ANO3: variants seen among roughly 807,000 people sequenced by gnomAD.
The protein encoded by ANO3 is anoctamin 3, also known as anoctamin-3.
In ANO3, 99 loss-of-function variants were observed where a neutral mutation model predicts 144.8. That is an observed-to-expected ratio of 0.68 (90% CI 0.58 to 0.81). The LOEUF (loss-of-function observed/expected upper bound fraction) is 0.81, where lower values mean the gene tolerates loss of function less well. ANO3 is among the 30% of genes least tolerant of loss of function. The probability of loss-of-function intolerance (pLI) is 0.00; values close to 1 mark genes in which losing one functional copy is unlikely to be tolerated. For synonymous variants in ANO3, 414 were observed against 392.6 expected, an observed-to-expected ratio of 1.05 and a Z score of -0.64; for missense variants, 905 against 1,202.2, an observed-to-expected ratio of 0.75 and a Z score of 3.66.
intron 18 of ANO3, among the ~76,000 whole-genome samples, chr11:26,628,409 T>G (rs748210696): frequency 2.3e-4 from 35 of 152,298 alleles, no homozygotes; most frequent in Middle Eastern, 6.8e-3. Flanking sequence ...TTTTCATCCG[T>G]AATTAGCTTC....
chr11:26,343,402 G>A (rs959972023), intron 1 of ANO3, among the ~76,000 whole-genome samples: 1 of 152,150 alleles, frequency 6.6e-6, no homozygotes, highest in African/African-American at 2.4e-5. Flanking sequence ...TCTTTTGAAT[G>A]TACGTGCAGA....
intron 1 of ANO3, among the ~76,000 whole-genome samples, chr11:26,292,448 C>G (rs1853982213): frequency 1.3e-5 from 2 of 152,134 alleles, no homozygotes; most frequent in Admixed American, 6.5e-5. Flanking sequence ...CAGCTGTGCT[C>G]AGTTGCTGGT....
intron 14 of ANO3, among the ~76,000 whole-genome samples, chr11:26,580,358 A>C (rs540961298): frequency 6.6e-6 from 1 of 152,300 alleles, no homozygotes; most frequent in Admixed American, 6.5e-5. Flanking sequence ...TTTCAGCTTC[A>C]TAATTCATCA....
intron 1 of ANO3, among the ~76,000 whole-genome samples, chr11:26,270,460 G>A (rs1247812646): frequency 2.0e-5 from 3 of 152,064 alleles, no homozygotes; most frequent in Non-Finnish European, 4.4e-5. Context: ...TTCACATTTT[G>A]CTTGTGTACA....
At chr11:26,291,275 A>C (rs758608638) in intron 1 of ANO3, among the ~76,000 whole-genome samples, 2 of 152,062 alleles carry the variant, frequency 1.3e-5, no homozygotes, top group Non-Finnish European at 2.9e-5. Flanking sequence ...GTCTTCCTCC[A>C]TCCCTTTATT....
At chr11:26,499,741 T>A (rs1437071605) in intron 4 of ANO3, among the ~76,000 whole-genome samples, 1 of 151,932 alleles carries the variant, frequency 6.6e-6, no homozygotes, top group African/African-American at 2.4e-5. Context: ...TTCTGTAAGA[T>A]ATAGTCTCAT....
chr11:26,603,308 T>C (rs906752981), intron 17 of ANO3, among the ~76,000 whole-genome samples: 1 of 152,084 alleles, frequency 6.6e-6, no homozygotes, highest in African/African-American at 2.4e-5. Flanking sequence ...ACATGTTGTC[T>C]AATATTTATC....
upstream of ANO3, among the ~76,000 whole-genome samples, chr11:26,331,013 G>T (rs963345047): frequency 6.6e-6 from 1 of 152,188 alleles, no homozygotes; most frequent in Non-Finnish European, 1.5e-5. Context: ...TTGAATCAGG[G>T]AGCAGAGATA....
Position 26,574,552 on chromosome 11 carries a change from A to G in ANO3, c.1447+14773A>G, listed in dbSNP as rs117107647. Among the ~76,000 whole-genome samples, 661 of 152,332 alleles carry G rather than the reference A, an allele frequency of 4.3e-3. 5 individuals carry two copies. Among genetic ancestry groups the G allele is most frequent in the Middle Eastern group, 0.01 (3 of 294 alleles). On this transcript the variant is annotated intron_variant, in intron 14 of 26. Transcript: ENST00000256737. ...AGCAAATAAGAAATATTTGAATAAT[A>G]GTAAAATAAATTACATTATGAATCT...
chr11:26,547,676 T>C (rs1849822738), intron 12 of ANO3, 126 bp downstream of exon 12: 1 of 998,106 alleles, frequency 1.0e-6, no homozygotes. Flanking sequence ...ATTTGCTATT[T>C]CTGTTTTTTG....
At chr11:26,535,502 C>A (rs3105881) in intron 9 of ANO3, among the ~76,000 whole-genome samples, 106,357 of 150,542 alleles carry the variant, frequency 0.71, 37,904 homozygotes, top group East Asian at 0.84. Flanking sequence ...AAAACTGGTA[C>A]CAATCTCTAC....
At chr11:26,386,640 T>A (rs756897406) in intron 1 of ANO3, among the ~76,000 whole-genome samples, 3 of 152,186 alleles carry the variant, frequency 2.0e-5, no homozygotes, top group Non-Finnish European at 2.9e-5. Context: ...GTAGTATTTG[T>A]GCCAAGAATG....
intron 18 of ANO3, among the ~76,000 whole-genome samples, chr11:26,627,643 C>G (rs938768274): frequency 2.0e-5 from 3 of 152,004 alleles, no homozygotes; most frequent in Admixed American, 2.0e-4. Flanking sequence ...GGAAACAGAA[C>G]AGTTATTTGT....
At chr11:26,216,929 T>C (rs1217020266) in intron 1 of ANO3, among the ~76,000 whole-genome samples, 1 of 152,070 alleles carries the variant, frequency 6.6e-6, no homozygotes, top group Non-Finnish European at 1.5e-5. Context: ...TTTCTTATTG[T>C]AGAGTTTTGA....
chr11:26,379,990 ATG>A (rs1352843303), intron 1 of ANO3, among the ~76,000 whole-genome samples: 14 of 152,184 alleles, frequency 9.2e-5, no homozygotes, highest in African/African-American at 3.4e-4. Flanking sequence ...GTCCCAATCC[ATG>A]TAGTTTACTT....
intron 1 of ANO3, among the ~76,000 whole-genome samples, chr11:26,239,033 A>G (rs1386993887): frequency 1.4e-5 from 2 of 138,922 alleles, no homozygotes; most frequent in African/African-American, 2.5e-5. Context: ...ATCTAAATAT[A>G]AATATAATTT....
At chr11:26,403,970 C>T (rs982633183) in intron 1 of ANO3, among the ~76,000 whole-genome samples, 6 of 151,908 alleles carry the variant, frequency 3.9e-5, no homozygotes, top group African/African-American at 1.4e-4. Context: ...ATTTTGTGAT[C>T]TCACCTTTCA....
chr11:26,394,570 CTTTTTTTTTT>C lies in ANO3; in HGVS notation c.47-47338_47-47329del, dbSNP rs56118844. Among the ~76,000 whole-genome samples the C allele has an allele frequency of 1.6e-4, 18 of 115,738 alleles. 1 individual carries two copies. In the East Asian group the frequency reaches 4.2e-3, roughly 27 times the overall value. The allele number at this position is 115,738 out of a possible 152,430, so 75.9% of individuals were successfully genotyped here. On this transcript the variant is annotated intron_variant, in intron 1 of 26. Coordinates refer to ENST00000256737, the MANE Select transcript of ANO3 (RefSeq NM_031418.4). ...ACATTAAAAAAATTGATTTCATTTT[CTTTTTTTTTT>C]TTTTTTTTTGTTTGGAGATGGAGTT...
At chr11:26,633,444 TCTCTTTAC>T (rs1852850403) in intron 18 of ANO3, among the ~76,000 whole-genome samples, 1 of 152,200 alleles carries the variant, frequency 6.6e-6, no homozygotes, top group Non-Finnish European at 1.5e-5. Flanking sequence ...ATTTCTCTTT[TCTCTTTAC>T]CTCTTTACCA....
Sources: gnomAD v4.1 joint callset for allele counts (sites outside exome capture counted in the v4.1 genomes callset) on GRCh38, gnomAD v4.1.1 for gene constraint, MANE v1.5 for transcripts, NCBI Gene and HGNC (gene_info 2026-07-23, HGNC 2026-07-21) for gene names.